Variants in GRM8 observed in about 807,000 individuals in gnomAD.
GRM8 encodes the protein glutamate metabotropic receptor 8, also known as metabotropic glutamate receptor 8.
A neutral mutation model predicts 87.2 loss-of-function variants in GRM8; 47 were observed. That is an observed-to-expected ratio of 0.54 (90% CI 0.43 to 0.69). The LOEUF is 0.69. GRM8 is among the 30% of genes least tolerant of loss of function. The probability of loss-of-function intolerance (pLI) is 0.00; values close to 1 mark genes in which losing one functional copy is unlikely to be tolerated. For synonymous variants in GRM8, 396 were observed against 404.5 expected (o/e 0.98, Z 0.25); for missense variants, 1,019 against 1,139.2 (o/e 0.89, Z 1.52).
At chr7:126,636,004 A>G (rs1176704008) in intron 7 of GRM8, among the ~76,000 whole-genome samples, 1 of 152,116 alleles carries the variant, frequency 6.6e-6, no homozygotes, top group Non-Finnish European at 1.5e-5. Flanking sequence ...ACATATATGT[A>G]TTTTTTCAAT....
chr7:127,195,659 T>C (rs1795242450), intron 2 of GRM8, among the ~76,000 whole-genome samples: 2 of 152,074 alleles, frequency 1.3e-5, no homozygotes, highest in African/African-American at 4.8e-5. Flanking sequence ...CAGGAACACT[T>C]CCTACTCTTC....
intron 3 of GRM8, among the ~76,000 whole-genome samples, chr7:126,998,526 A>C (rs963534463): frequency 4.0e-5 from 6 of 151,890 alleles, no homozygotes; most frequent in African/African-American, 1.4e-4. Flanking sequence ...GGTAAAGCCT[A>C]AACACTTCAC....
intron 3 of GRM8, among the ~76,000 whole-genome samples, chr7:126,952,304 T>C (rs571364992): frequency 7.6e-4 from 116 of 152,068 alleles, no homozygotes; most frequent in Non-Finnish European, 1.3e-3. Flanking sequence ...ATAAATAATC[T>C]ATTATCTAAA....
intron 7 of GRM8, among the ~76,000 whole-genome samples, chr7:126,665,361 C>T (rs1805643195): frequency 1.3e-5 from 2 of 152,106 alleles, no homozygotes; most frequent in South Asian, 2.1e-4. Context: ...GGGTGCCTAT[C>T]GACAATGGAC....
intron 3 of GRM8, among the ~76,000 whole-genome samples, chr7:126,923,826 G>A (rs1237716440): frequency 6.6e-6 from 1 of 152,132 alleles, no homozygotes; most frequent in Non-Finnish European, 1.5e-5. Flanking sequence ...TTGAAACTCT[G>A]GCATGAGTGC....
chr7:127,075,858 TC>T (rs1181631835), intron 3 of GRM8: 2 of 195,120 alleles, frequency 1.0e-5, no homozygotes, highest in African/African-American at 4.7e-5. Flanking sequence ...TCTCCCAAGC[TC>T]CCACCAGTTT....
At chr7:126,759,340 G>T (rs1475217785) in intron 7 of GRM8, among the ~76,000 whole-genome samples, 2 of 151,946 alleles carry the variant, frequency 1.3e-5, no homozygotes, top group African/African-American at 4.8e-5. Context: ...CTACTGCTAA[G>T]AAAATAATTA....
chr7:127,150,132 T>C (rs1419427), intron 2 of GRM8, among the ~76,000 whole-genome samples: 33,953 of 151,994 alleles, frequency 0.22, 3,956 homozygotes, highest in South Asian at 0.26. Flanking sequence ...GTTTTATACC[T>C]TGAATATATA....
At chr7:127,227,174 C>T (rs920860006) in intron 2 of GRM8, among the ~76,000 whole-genome samples, 5 of 152,158 alleles carry the variant, frequency 3.3e-5, no homozygotes, top group African/African-American at 1.2e-4. Context: ...AACTCAGCAG[C>T]GCCACTGGGA....
intron 7 of GRM8, among the ~76,000 whole-genome samples, chr7:126,757,751 C>A (rs1278048747): frequency 6.6e-6 from 1 of 152,092 alleles, no homozygotes; most frequent in Non-Finnish European, 1.5e-5. Flanking sequence ...CTTTCCCAGG[C>A]AACGACTAAG....
At position 127,243,244 on chromosome 7, in the gene GRM8, T is replaced by C; in HGVS notation, c.-40A>G. 1 of 1,561,272 alleles carries C rather than the reference T, an allele frequency of 6.4e-7. No homozygotes were observed. On this transcript the variant is annotated 5_prime_UTR_variant, in exon 2 of 11. In the 5' UTR this introduces an upstream ATG that the reference lacks. Transcript: ENST00000339582. ...GTATTGCAATCCAAGACCCAAAGTT[T>C]ATTCTTGCCACAGAAGAAAGGGCAC...
chr7:127,196,403 A>G (rs1014066389), intron 2 of GRM8, among the ~76,000 whole-genome samples: 2 of 152,092 alleles, frequency 1.3e-5, no homozygotes, highest in African/African-American at 4.8e-5. Flanking sequence ...CTGTAGTCCC[A>G]GCTACTTGGA....
intron 9 of GRM8, among the ~76,000 whole-genome samples, chr7:126,447,770 T>C (rs1171474721): frequency 6.6e-6 from 1 of 151,922 alleles, no homozygotes; most frequent in African/African-American, 2.4e-5. Flanking sequence ...AGGCACAAGT[T>C]AAGAAACTGT....
chr7:127,172,575 G>A (rs913002116), intron 2 of GRM8, among the ~76,000 whole-genome samples: 1 of 151,906 alleles, frequency 6.6e-6, no homozygotes, highest in African/African-American at 2.4e-5. Context: ...AGGTGTGGTG[G>A]CACATGGCTG....
intron 9 of GRM8, among the ~76,000 whole-genome samples, chr7:126,469,170 A>T (rs891044164): frequency 6.6e-6 from 1 of 152,136 alleles, no homozygotes; most frequent in African/African-American, 2.4e-5. Context: ...TTTACCAGAG[A>T]ATAATCCAGT....
At position 126,682,359 on chromosome 7, in the gene GRM8, T is replaced by C. The variant is rs369247307; in HGVS notation, c.1358-72861A>G. Among the ~76,000 whole-genome samples, 8 of 152,346 alleles carry C rather than the reference T, an allele frequency of 5.3e-5. No individual in the cohort carries two copies. The East Asian group carries it at 7.7e-4, about 15-fold the overall frequency. On this transcript the variant is annotated intron_variant, in intron 7 of 10. Transcript: ENST00000339582. The stretch of plus-strand genomic sequence containing the variant: ...GACATAATACATCTCAGGCACTGTC[T>C]TGGGCAATTTTCATAAACCATCTGA...
intron 9 of GRM8, among the ~76,000 whole-genome samples, chr7:126,485,330 A>G (rs1331392398): frequency 6.6e-6 from 1 of 151,656 alleles, no homozygotes; most frequent in Non-Finnish European, 1.5e-5. Flanking sequence ...TTAATAGACA[A>G]ATCATACATA....
chr7:126,827,944 G>T (rs1330622100), intron 6 of GRM8, among the ~76,000 whole-genome samples: 1 of 152,086 alleles, frequency 6.6e-6, no homozygotes, highest in East Asian at 1.9e-4. Context: ...TTTGTCAAAG[G>T]CCTTTTCTGC....
intron 9 of GRM8, among the ~76,000 whole-genome samples, chr7:126,528,614 TTG>T (rs59437677): frequency 0.035 from 5,242 of 149,136 alleles, 223 homozygotes; most frequent in African/African-American, 0.098. Context: ...ACAAAAGAAG[TTG>T]TGTGTGTGTG....
Sources: gnomAD v4.1 joint callset for allele counts (sites outside exome capture counted in the v4.1 genomes callset) on GRCh38, gnomAD v4.1.1 for gene constraint, MANE v1.5 for transcripts, NCBI Gene and HGNC (gene_info 2026-07-23, HGNC 2026-07-21) for gene names.